The following GATAD2B variants were observed in gnomAD, a reference collection of about 807,000 sequenced individuals.
GATAD2B encodes the protein GATA zinc finger domain containing 2B.
GATAD2B carries 8 observed loss-of-function variants against 64.3 expected under a neutral mutation model. The observed-to-expected ratio is 0.12, with a 90% CI of 0.07 to 0.22. The LOEUF (loss-of-function observed/expected upper bound fraction) is 0.22. GATAD2B is among the 10% of genes least tolerant of loss of function. GATAD2B has a pLI of 1.00. For synonymous variants in GATAD2B, 281 were observed against 271.3 expected, an observed-to-expected ratio of 1.04 and a Z score of -0.35; for missense variants, 453 against 752.0, an observed-to-expected ratio of 0.60 and a Z score of 4.65.
At chr1:153,839,939 A>C (rs1490132737) in intron 1 of GATAD2B, among the ~76,000 whole-genome samples, 1 of 151,246 alleles carries the variant, frequency 6.6e-6, no homozygotes, top group African/African-American at 2.4e-5. Context: ...ATGCCATTGC[A>C]CCCTAGACCT....
At chr1:153,831,051 C>G (rs1399991886) in intron 1 of GATAD2B, among the ~76,000 whole-genome samples, 1 of 152,138 alleles carries the variant, frequency 6.6e-6, no homozygotes, top group Non-Finnish European at 1.5e-5. Context: ...GGATTATAGG[C>G]AGAAATACAC....
chr1:153,813,918 C>G (rs1339890675), intron 7 of GATAD2B, among the ~76,000 whole-genome samples: 1 of 152,202 alleles, frequency 6.6e-6, no homozygotes, highest in Non-Finnish European at 1.5e-5. Flanking sequence ...GTAGAGGTTG[C>G]AGTGAGCCGA....
chr1:153,904,895 CG>C (rs886136587), intron 1 of GATAD2B, among the ~76,000 whole-genome samples: 3 of 152,072 alleles, frequency 2.0e-5, no homozygotes, highest in Admixed American at 2.0e-4. Flanking sequence ...TTAGTAGAGA[CG>C]GGGTTTCATC....
intron 1 of GATAD2B, among the ~76,000 whole-genome samples, chr1:153,918,206 T>C (rs1678331215): frequency 6.6e-6 from 1 of 152,218 alleles, no homozygotes; most frequent in Non-Finnish European, 1.5e-5. Context: ...TTGCAAGGAC[T>C]GGCATTACTC....
intron 1 of GATAD2B, among the ~76,000 whole-genome samples, chr1:153,910,516 G>A (rs1019668495): frequency 6.6e-6 from 1 of 152,116 alleles, no homozygotes; most frequent in Non-Finnish European, 1.5e-5. Context: ...AAGGTGGGTG[G>A]ATCACCTGAG....
chr1:153,881,247 C>T (rs1203812159), intron 1 of GATAD2B, among the ~76,000 whole-genome samples: 1 of 152,096 alleles, frequency 6.6e-6, no homozygotes, highest in Non-Finnish European at 1.5e-5. Flanking sequence ...AGGGTTGGAG[C>T]TGACATGGAA....
chr1:153,922,199 T>G (rs1678464780), intron 1 of GATAD2B, among the ~76,000 whole-genome samples: 1 of 151,458 alleles, frequency 6.6e-6, no homozygotes, highest in African/African-American at 2.4e-5. Context: ...TACCCTTAGA[T>G]TCCCCATTCG....
chr1:153,837,352 CAAAA>C (rs1157389914), intron 1 of GATAD2B, among the ~76,000 whole-genome samples: 3 of 116,120 alleles, frequency 2.6e-5, no homozygotes, highest in Non-Finnish European at 5.5e-5. Flanking sequence ...CAAAAACAAA[CAAAA>C]AACCCCAAAA....
intron 1 of GATAD2B, among the ~76,000 whole-genome samples, chr1:153,876,361 T>A (rs1676835405): frequency 6.6e-6 from 1 of 152,034 alleles, no homozygotes; most frequent in East Asian, 1.9e-4. Flanking sequence ...ATATTGTCAT[T>A]TTTGGTTTCC....
intron 2 of GATAD2B, among the ~76,000 whole-genome samples, chr1:153,822,521 TTTTTC>T (rs1208980565): frequency 4.0e-5 from 6 of 151,792 alleles, no homozygotes; most frequent in Non-Finnish European, 5.9e-5. Flanking sequence ...AGCCTCTCTG[TTTTTC>T]TTTTGAGTCG....
rs1489118500 is a variant in GATAD2B, at chr1:153,891,364, T to C, written c.-2+31369A>G. The stretch of plus-strand genomic sequence containing the variant: ...GGGTGGGTCACTTGAGGTCAGCAGT[T>C]CAAGACCAGCCTGGCCAGCATGGTG... On this transcript the variant is annotated intron_variant, in intron 1 of 10. Coordinates refer to ENST00000368655, the MANE Select transcript of GATAD2B (RefSeq NM_020699.4). Among the ~76,000 whole-genome samples, 3 of 150,684 alleles carry C rather than the reference T, an allele frequency of 2.0e-5. No individual in the cohort carries two copies. In the East Asian group the frequency reaches 5.9e-4, roughly 30 times the overall value.
At chr1:153,905,117 G>T (rs982519096) in intron 1 of GATAD2B, among the ~76,000 whole-genome samples, 2 of 151,996 alleles carry the variant, frequency 1.3e-5, no homozygotes, top group Admixed American at 6.6e-5. Context: ...AAGTGCTGGG[G>T]TTACAGGCAT....
chr1:153,835,350 C>T (rs957801224), intron 1 of GATAD2B, among the ~76,000 whole-genome samples: 1 of 152,070 alleles, frequency 6.6e-6, no homozygotes, highest in Admixed American at 6.6e-5. Flanking sequence ...TGGTATTAAA[C>T]AGTACCGCAT....
intron 1 of GATAD2B, among the ~76,000 whole-genome samples, chr1:153,909,551 C>A (rs996887183): frequency 1.3e-5 from 2 of 151,590 alleles, no homozygotes; most frequent in Non-Finnish European, 2.9e-5. Context: ...CCTGTAATCA[C>A]AGCACTTTGG....
Position 153,830,616 on chromosome 1 carries a change from C to T in GATAD2B, c.-1-2268G>A, listed in dbSNP as rs1189539724. On this transcript the variant is annotated intron_variant, in intron 1 of 10. Transcript: ENST00000368655. The stretch of plus-strand genomic sequence containing the variant: ...TCAGCCTCCCAAGTAGCTGGGACTA[C>T]AGGCGCCCGCCACTACGCCCGGCTA... Among the ~76,000 whole-genome samples, 22 of 148,942 alleles carry T rather than the reference C, an allele frequency of 1.5e-4. No homozygotes were observed. In the East Asian group the frequency reaches 3.7e-3, roughly 25 times the overall value.
chr1:153,846,557 CT>C (rs887230575), intron 1 of GATAD2B, among the ~76,000 whole-genome samples: 4,192 of 113,864 alleles, frequency 0.037, 29 homozygotes, highest in African/African-American at 0.067. Flanking sequence ...TCTTTGCGTT[CT>C]TTTTTTTTTT....
intron 1 of GATAD2B, among the ~76,000 whole-genome samples, chr1:153,835,271 G>C (rs1229207414): frequency 6.6e-6 from 1 of 152,124 alleles, no homozygotes; most frequent in African/African-American, 2.4e-5. Flanking sequence ...CCATAAACTT[G>C]AGTTGACAAA....
At position 153,877,205 on chromosome 1, in the gene GATAD2B, G is replaced by A. The variant is rs567565688; in HGVS notation, c.-2+45528C>T. Among the ~76,000 whole-genome samples, 11 of 152,204 alleles carry A rather than the reference G, an allele frequency of 7.2e-5. No homozygotes were observed. The South Asian group carries it at 2.3e-3, about 32-fold the overall frequency. ...ATAATAATGAAATTAGCCAGGCATG[G>A]TGACATGCCTATAGTCAGTCCTAGC... On this transcript the variant is annotated intron_variant, in intron 1 of 10. Coordinates refer to ENST00000368655, the MANE Select transcript of GATAD2B (RefSeq NM_020699.4).
In GATAD2B at chr1:153,818,852, C is replaced by T. The variant is rs200887195; in HGVS notation, c.536G>A (p.Arg179Gln). The T allele has an allele frequency of 4.0e-5, 64 of 1,613,376 alleles. No individual in the cohort carries two copies. Among genetic ancestry groups the T allele is most frequent in the Non-Finnish European group, 1.4e-5 (16 of 1,179,864 alleles). ...TCTCAGTTTCTTTAACAGGACCAGT[C>T]GGGCTTCTTCCAATCGTAGCTCATC... Reference protein sequence around the residue: ...LRDELRLEEARLVLLKKLRQS... With the variant: ...LRDELRLEEAQLVLLKKLRQS... Residue 179 changes from arginine to glutamine, a missense_variant, in exon 4 of 11, where the codon CGA becomes CAA. Arg to Gln is a conservative substitution (Grantham distance 43, BLOSUM62 1). This residue lies in a region of GATAD2B where 293 missense variants were observed against 417.2 expected (regional missense o/e 0.70). Transcript: ENST00000368655.
Sources: gnomAD v4.1 joint callset for allele counts (sites outside exome capture counted in the v4.1 genomes callset) on GRCh38, gnomAD v4.1.1 for gene constraint, gnomAD v4.1.1 regional missense constraint, MANE v1.5 for transcripts, NCBI Gene and HGNC (gene_info 2026-07-23, HGNC 2026-07-21) for gene names.